Variants in PKIA observed in about 807,000 individuals in gnomAD.
PKIA encodes cAMP-dependent protein kinase inhibitor alpha, also known as PKI-alpha.
A neutral mutation model predicts 7.6 loss-of-function variants in PKIA; 4 were observed. The observed-to-expected ratio is 0.52, with a 90% confidence interval of 0.26 to 1.20. The LOEUF (loss-of-function observed/expected upper bound fraction) is 1.20. Ranked by LOEUF, PKIA falls within the 50% of genes most tolerant of loss-of-function variation. The pLI, the probability that PKIA is intolerant of heterozygous loss-of-function variation, is 0.13. For missense variants in PKIA, 73 were observed against 86.2 expected (o/e 0.85, Z 0.61); for synonymous variants, 21 against 30.7 (o/e 0.68, Z 1.04).
chr8:78,560,469 T>C (rs148199296), intron 1 of PKIA, among the ~76,000 whole-genome samples: 32 of 152,324 alleles, frequency 2.1e-4, no homozygotes, highest in African/African-American at 6.5e-4. Context: ...TGGTAGCTCA[T>C]TGAAATCTTT....
intron 2 of PKIA, among the ~76,000 whole-genome samples, chr8:78,589,920 T>G (rs1432991329): frequency 6.6e-6 from 1 of 152,164 alleles, no homozygotes; most frequent in Non-Finnish European, 1.5e-5. Flanking sequence ...CAGACATTAT[T>G]TTCATGGATC....
intron 1 of PKIA, among the ~76,000 whole-genome samples, chr8:78,529,406 T>C (rs1045711064): frequency 2.6e-5 from 4 of 152,090 alleles, no homozygotes; most frequent in African/African-American, 9.6e-5. Context: ...AACTGAAGTA[T>C]GATCTATATT....
chr8:78,529,847 T>G (rs1456276133), intron 1 of PKIA, among the ~76,000 whole-genome samples: 1 of 151,580 alleles, frequency 6.6e-6, no homozygotes. Context: ...TAAAAGTCAA[T>G]TATCAATGGT....
chr8:78,564,414 T>TATATG (rs1233756693), intron 1 of PKIA, among the ~76,000 whole-genome samples: 1 of 151,994 alleles, frequency 6.6e-6, no homozygotes, highest in African/African-American at 2.4e-5. Flanking sequence ...ATTTTAAATA[T>TATATG]ATATGTGATG....
chr8:78,592,442 A>G (rs1808123994), intron 2 of PKIA, among the ~76,000 whole-genome samples: 1 of 152,118 alleles, frequency 6.6e-6, no homozygotes, highest in South Asian at 2.1e-4. Flanking sequence ...CTTAGTTTCT[A>G]TGTTACTTTA....
chr8:78,599,615 T>A (rs911342351), intron 3 of PKIA, among the ~76,000 whole-genome samples: 14 of 152,084 alleles, frequency 9.2e-5, no homozygotes, highest in Non-Finnish European at 1.5e-4. Context: ...TAGACCTGTA[T>A]AAATCTTAGG....
chr8:78,531,324 T>G (rs1303005236), intron 1 of PKIA, among the ~76,000 whole-genome samples: 1 of 152,090 alleles, frequency 6.6e-6, no homozygotes, highest in Non-Finnish European at 1.5e-5. Flanking sequence ...TGCCAGAAAT[T>G]AGTGATTATG....
At chr8:78,598,558 C>T in intron 3 of PKIA, 23 bp downstream of exon 3, 2 of 1,587,250 alleles carry the variant, frequency 1.3e-6, no homozygotes, top group Non-Finnish European at 1.7e-6. Flanking sequence ...GCACACATTT[C>T]TCTATGAGCA....
At chr8:78,597,371 C>A (rs555186694) in intron 2 of PKIA, among the ~76,000 whole-genome samples, 1 of 152,170 alleles carries the variant, frequency 6.6e-6, no homozygotes. Flanking sequence ...GTTTGTTACT[C>A]CTCTCAAGTA....
chr8:78,575,081 C>T (rs1042952028), intron 2 of PKIA, among the ~76,000 whole-genome samples: 1 of 151,860 alleles, frequency 6.6e-6, no homozygotes, highest in Non-Finnish European at 1.5e-5. Flanking sequence ...GGGTTATCTT[C>T]GGTAACCGGG....
chr8:78,603,162 C>G lies in PKIA; in HGVS notation c.*1341C>G, dbSNP rs922090002. 2.0e-5 allele frequency: 3 copies of G among 152,370 alleles called. No homozygotes were observed. Among genetic ancestry groups the G allele is most frequent in the Non-Finnish European group, 2.9e-5 (2 of 67,938 alleles). 9.4% of individuals were successfully genotyped at this position (152,370 alleles called of 1,614,324 possible). A position where few individuals can be genotyped will look rare whatever the true frequency, so the allele number is the denominator to read the frequency against. On this transcript the variant is annotated 3_prime_UTR_variant, in exon 4 of 4. Transcript: ENST00000396418. ...AGTTTTTGTGAGCTGTGTAATCCCTCTGGTCAGTATTATGAAATCATTTGT... is the reference window on the plus strand; with the variant it reads ...AGTTTTTGTGAGCTGTGTAATCCCTGTGGTCAGTATTATGAAATCATTTGT...
intron 2 of PKIA, among the ~76,000 whole-genome samples, chr8:78,578,988 T>C (rs1807742473): frequency 6.6e-6 from 1 of 152,084 alleles, no homozygotes; most frequent in Non-Finnish European, 1.5e-5. Context: ...AGTTTACTTT[T>C]TTCTATCACT....
chr8:78,520,804 A>G (rs1452221484), intron 1 of PKIA, among the ~76,000 whole-genome samples: 1 of 152,200 alleles, frequency 6.6e-6, no homozygotes, highest in African/African-American at 2.4e-5. Flanking sequence ...TTGTGGATTC[A>G]CTAAAGCTCT....
intron 1 of PKIA, chr8:78,536,119 A>C (rs1033011471): frequency 6.6e-6 from 1 of 152,120 alleles, no homozygotes; most frequent in African/African-American, 2.4e-5. Context: ...GACCAAAAAA[A>C]CCACAAACAA....
At chr8:78,524,305 G>C (rs1204082700) in intron 1 of PKIA, among the ~76,000 whole-genome samples, 1 of 148,606 alleles carries the variant, frequency 6.7e-6, no homozygotes, top group East Asian at 2.0e-4. Flanking sequence ...TGGATTTTTA[G>C]AAATGATTCA....
intron 1 of PKIA, among the ~76,000 whole-genome samples, chr8:78,519,651 C>G (rs554878913): frequency 6.6e-6 from 1 of 151,908 alleles, no homozygotes; most frequent in Admixed American, 6.6e-5. Flanking sequence ...TTTATAAGTC[C>G]TCTTCTATGT....
chr8:78,572,320 A>G (rs1807568590), intron 1 of PKIA, among the ~76,000 whole-genome samples: 2 of 151,536 alleles, frequency 1.3e-5, no homozygotes, highest in South Asian at 4.2e-4. Flanking sequence ...AGTCTCTGTA[A>G]ATATCCTTCA....
At chr8:78,541,383 T>C (rs1018053898) in intron 1 of PKIA, among the ~76,000 whole-genome samples, 1 of 152,084 alleles carries the variant, frequency 6.6e-6, no homozygotes, top group Non-Finnish European at 1.5e-5. Flanking sequence ...GAAAGGCAGA[T>C]ACTGGATCCC....
At chr8:78,595,825 T>C (rs1370767163) in intron 2 of PKIA, among the ~76,000 whole-genome samples, 1 of 152,222 alleles carries the variant, frequency 6.6e-6, no homozygotes, top group African/African-American at 2.4e-5. Flanking sequence ...AAAAGTGCTG[T>C]GATGAACATA....
Sources: gnomAD v4.1 joint callset for allele counts (sites outside exome capture counted in the v4.1 genomes callset) on GRCh38, gnomAD v4.1.1 for gene constraint, MANE v1.5 for transcripts, NCBI Gene and HGNC (gene_info 2026-07-23, HGNC 2026-07-21) for gene names.